The following LHFPL3 variants were observed in gnomAD, a reference collection of about 807,000 sequenced individuals.
The protein encoded by LHFPL3 is LHFPL tetraspan subfamily member 3 protein.
A neutral mutation model predicts 19.3 loss-of-function variants in LHFPL3; 5 were observed. That is an observed-to-expected ratio of 0.26 (90% CI 0.14 to 0.54). The LOEUF (loss-of-function observed/expected upper bound fraction) is 0.54. Ranked by LOEUF, LHFPL3 falls within the 20% of genes least tolerant of loss-of-function variation. The pLI is 0.94. For missense variants in LHFPL3, 249 were observed against 307.4 expected (o/e 0.81, Z 1.42); for synonymous variants, 133 against 126.2 (o/e 1.05, Z -0.36).
intron 1 of LHFPL3, among the ~76,000 whole-genome samples, chr7:104,700,294 C>A (rs1004370672): frequency 2.0e-5 from 3 of 152,286 alleles, no homozygotes; most frequent in Admixed American, 1.3e-4. Context: ...TCTCTCTTAG[C>A]CTACCTGAAG....
At chr7:104,428,308 A>AT (rs1206980953) in intron 1 of LHFPL3, among the ~76,000 whole-genome samples, 1 of 152,100 alleles carries the variant, frequency 6.6e-6, no homozygotes, top group East Asian at 1.9e-4. Flanking sequence ...TATTAATTAA[A>AT]TTGTGTCATG....
chr7:104,772,167 A>G (rs1794564668), intron 2 of LHFPL3, among the ~76,000 whole-genome samples: 1 of 151,926 alleles, frequency 6.6e-6, no homozygotes, highest in African/African-American at 2.4e-5. Flanking sequence ...CCTTCATTTG[A>G]GCCTATTAAT....
intron 2 of LHFPL3, among the ~76,000 whole-genome samples, chr7:104,760,611 A>G (rs963763683): frequency 1.4e-5 from 2 of 142,926 alleles, no homozygotes; most frequent in African/African-American, 5.0e-5. Flanking sequence ...ATATTTTCCT[A>G]GTGTCATTTT....
chr7:104,366,603 A>G (rs533249246), intron 1 of LHFPL3, among the ~76,000 whole-genome samples: 1 of 152,162 alleles, frequency 6.6e-6, no homozygotes, highest in African/African-American at 2.4e-5. Context: ...TCCTTTCTCT[A>G]TGACTGACTT....
Position 104,547,260 on chromosome 7 carries a change from A to AAAG in LHFPL3, c.446-189413_446-189412insGAA, listed in dbSNP as rs1236575154. Reference sequence around the variant, plus strand: ...TCCGTCTCAAAAAAAAAAAAAAAAAAAAAAAAAAAAGAAATAGTAGCTCAA... The same window carrying AAAG: ...TCCGTCTCAAAAAAAAAAAAAAAAAAAAGAAAAAAAAAAGAAATAGTAGCTCAA... On this transcript the variant is annotated intron_variant, in intron 1 of 2. Coordinates refer to ENST00000424859, the MANE Select transcript of LHFPL3 (RefSeq NM_199000.3). 1.2e-4 allele frequency among the ~76,000 whole-genome samples: 3 copies of AAAG among 25,182 alleles called. 1 individual carries two copies. The highest frequency in any genetic ancestry group is 3.1e-4 in the Non-Finnish European group (3 of 9,722). The allele number at this position is 25,182 out of a possible 152,430, so 16.5% of individuals were successfully genotyped here.
chr7:104,383,054 A>T (rs1357275278), intron 1 of LHFPL3, among the ~76,000 whole-genome samples: 1 of 152,198 alleles, frequency 6.6e-6, no homozygotes, highest in Admixed American at 6.5e-5. Flanking sequence ...AGGTCCAGGT[A>T]GTCTATTTCT....
At position 104,805,476 on chromosome 7, in the gene LHFPL3, T is replaced by A. The variant is rs542181916; in HGVS notation, c.682+68565T>A. On this transcript the variant is annotated intron_variant, in intron 2 of 2. Transcript: ENST00000424859. ...TGTTACAATTTGAGGTCCTCTCCTA[T>A]CTGGAAGTTGCCGTGAATGGCCAGA... 6.6e-5 allele frequency among the ~76,000 whole-genome samples: 10 copies of A among 152,342 alleles called. No individual in the cohort carries two copies. In the South Asian group the frequency reaches 2.1e-3, roughly 32 times the overall value.
At chr7:104,890,268 A>G (rs1792218974) in intron 2 of LHFPL3, among the ~76,000 whole-genome samples, 1 of 152,074 alleles carries the variant, frequency 6.6e-6, no homozygotes, top group African/African-American at 2.4e-5. Flanking sequence ...GTGCCACTTC[A>G]CTCACCTGGT....
Position 104,461,241 on chromosome 7 carries a change from G to A in LHFPL3, c.445+132017G>A, listed in dbSNP as rs138444356. The stretch of plus-strand genomic sequence containing the variant: ...CTGAGAACTCACTATTACGAGAACC[G>A]TGTGGGGGAAACTGCCTCCATGATT... On this transcript the variant is annotated intron_variant, in intron 1 of 2. Transcript: ENST00000424859. Among the ~76,000 whole-genome samples the A allele has an allele frequency of 1.8e-3, 275 of 152,296 alleles. 6 individuals carry two copies. The highest frequency in any genetic ancestry group is 0.015 in the Admixed American group (236 of 15,294).
intron 1 of LHFPL3, among the ~76,000 whole-genome samples, chr7:104,440,333 A>G (rs758046084): frequency 2.0e-5 from 3 of 151,546 alleles, no homozygotes; most frequent in Non-Finnish European, 4.4e-5. Context: ...CAAACACTGC[A>G]TGTTCTCACT....
chr7:104,612,842 T>A (rs1176513564), intron 1 of LHFPL3, among the ~76,000 whole-genome samples: 1 of 152,202 alleles, frequency 6.6e-6, no homozygotes, highest in Non-Finnish European at 1.5e-5. Flanking sequence ...TAGACTATCT[T>A]TGAGAATCCA....
At chr7:104,828,107 T>C (rs1382162962) in intron 2 of LHFPL3, among the ~76,000 whole-genome samples, 1 of 151,966 alleles carries the variant, frequency 6.6e-6, no homozygotes, top group East Asian at 1.9e-4. Context: ...CAGAGAACCC[T>C]GTCTCTTCCC....
intron 2 of LHFPL3, among the ~76,000 whole-genome samples, chr7:104,754,192 C>T (rs561868657): frequency 2.0e-5 from 3 of 151,714 alleles, no homozygotes; most frequent in East Asian, 1.9e-4. Context: ...GAACACATAG[C>T]GAAGTGTATG....
rs533868163 is a variant in LHFPL3, at chr7:104,519,607, T to C, written c.445+190383T>C. Among the ~76,000 whole-genome samples, 3 of 152,284 alleles carry C rather than the reference T, an allele frequency of 2.0e-5. No individual in the cohort carries two copies. The East Asian group carries it at 5.8e-4, about 29-fold the overall frequency. On this transcript the variant is annotated intron_variant, in intron 1 of 2. Transcript: ENST00000424859. ...GTGGTTTGTTTGCTTAATTCATTTG[T>C]ATTTACTCCTCCAGCTGATCTCTTG...
chr7:104,873,490 G>T, intron 2 of LHFPL3, among the ~76,000 whole-genome samples: 1 of 127,658 alleles, frequency 7.8e-6, no homozygotes, highest in South Asian at 2.4e-4. Context: ...CCAGGCGTGC[G>T]GTAGCACTAC....
chr7:104,651,103 C>T (rs1330700437), intron 1 of LHFPL3, among the ~76,000 whole-genome samples: 6 of 152,068 alleles, frequency 3.9e-5, no homozygotes, highest in African/African-American at 9.7e-5. Context: ...GGGTATGGAA[C>T]GAGGGTGGAT....
chr7:104,335,296 A>G (rs1183711141), intron 1 of LHFPL3, among the ~76,000 whole-genome samples: 1 of 152,222 alleles, frequency 6.6e-6, no homozygotes, highest in Non-Finnish European at 1.5e-5. Flanking sequence ...GAGCATTTCA[A>G]ATCTTCTCCC....
At chr7:104,526,203 AC>A (rs1451223881) in intron 1 of LHFPL3, among the ~76,000 whole-genome samples, 5 of 152,198 alleles carry the variant, frequency 3.3e-5, no homozygotes, top group Non-Finnish European at 7.3e-5. Flanking sequence ...AGGAACTACC[AC>A]CAGAAATTCT....
intron 1 of LHFPL3, among the ~76,000 whole-genome samples, chr7:104,602,257 G>T (rs530144576): frequency 6.6e-6 from 1 of 151,950 alleles, no homozygotes; most frequent in African/African-American, 2.4e-5. Flanking sequence ...CTGACCTCAA[G>T]TAATCCTCCC....
Sources: gnomAD v4.1 joint callset for allele counts (sites outside exome capture counted in the v4.1 genomes callset) on GRCh38, gnomAD v4.1.1 for gene constraint, MANE v1.5 for transcripts, NCBI Gene and HGNC (gene_info 2026-07-23, HGNC 2026-07-21) for gene names.